GRM5: variants seen among roughly 807,000 people sequenced by gnomAD.
GRM5 encodes glutamate metabotropic receptor 5, also known as metabotropic glutamate receptor 5.
Under a neutral mutation model 83.1 loss-of-function variants are expected in GRM5, and 19 were observed. That is an observed-to-expected ratio of 0.23 (90% confidence interval 0.16 to 0.34). The LOEUF (loss-of-function observed/expected upper bound fraction) is 0.34, where lower values mean the gene tolerates loss of function less well. GRM5 is among the 10% of genes least tolerant of loss of function. The pLI is 1.00. For synonymous variants in GRM5, 675 were observed against 633.6 expected, an observed-to-expected ratio of 1.07 and a Z score of -0.98; for missense variants, 1,160 against 1,588.3, an observed-to-expected ratio of 0.73 and a Z score of 4.58.
intron 3 of GRM5, among the ~76,000 whole-genome samples, chr11:88,660,918 G>A (rs985076032): frequency 6.6e-6 from 1 of 152,148 alleles, no homozygotes; most frequent in African/African-American, 2.4e-5. Flanking sequence ...TTATCAAAAA[G>A]CTCCTCTGGG....
At chr11:88,681,991 A>G (rs1437899280) in intron 3 of GRM5, among the ~76,000 whole-genome samples, 1 of 152,152 alleles carries the variant, frequency 6.6e-6, no homozygotes, top group Non-Finnish European at 1.5e-5. Flanking sequence ...ATACTACCAC[A>G]CATTTAGCTA....
At chr11:89,008,088 G>GT (rs1172864899) in intron 2 of GRM5, among the ~76,000 whole-genome samples, 6 of 151,934 alleles carry the variant, frequency 3.9e-5, no homozygotes, top group African/African-American at 4.8e-5. Context: ...ACAATTATAT[G>GT]TTTTTTTTCT....
At chr11:88,993,299 T>G (rs1940056331) in intron 2 of GRM5, among the ~76,000 whole-genome samples, 1 of 150,476 alleles carries the variant, frequency 6.6e-6, no homozygotes. Flanking sequence ...GTGTCCAGTT[T>G]CATTCTTTTA....
At chr11:88,870,368 A>AT (rs1388723806) in intron 2 of GRM5, among the ~76,000 whole-genome samples, 2 of 151,556 alleles carry the variant, frequency 1.3e-5, no homozygotes, top group East Asian at 3.9e-4. Context: ...GCAAAGGTTC[A>AT]TAAGGGTGAC....
chr11:88,884,666 G>A (rs1320419945), intron 2 of GRM5, among the ~76,000 whole-genome samples: 1 of 152,178 alleles, frequency 6.6e-6, no homozygotes, highest in Admixed American at 6.5e-5. Flanking sequence ...TGTGTCATGA[G>A]AGGGACCCAG....
intron 2 of GRM5, among the ~76,000 whole-genome samples, chr11:89,037,298 C>A (rs1941413525): frequency 6.6e-6 from 1 of 151,868 alleles, no homozygotes; most frequent in South Asian, 2.1e-4. Flanking sequence ...ATGCTCCCAG[C>A]CTGTCTTTAT....
intron 4 of GRM5, among the ~76,000 whole-genome samples, chr11:88,627,296 A>G (rs985613041): frequency 2.0e-5 from 3 of 152,146 alleles, no homozygotes; most frequent in Non-Finnish European, 4.4e-5. Context: ...TAAACCCACC[A>G]CTCACAAATC....
At chr11:88,591,142 A>G (rs1937632355) in intron 6 of GRM5, among the ~76,000 whole-genome samples, 1 of 152,192 alleles carries the variant, frequency 6.6e-6, no homozygotes, top group African/African-American at 2.4e-5. Flanking sequence ...CATTAGTTGA[A>G]TAATTGTGAG....
chr11:88,861,121 C>T (rs1178332500), intron 2 of GRM5, among the ~76,000 whole-genome samples: 5 of 152,070 alleles, frequency 3.3e-5, no homozygotes, highest in Admixed American at 6.6e-5. Flanking sequence ...GCTAGCATTA[C>T]ATTTCTATTA....
chr11:88,692,002 C>T (rs1200732421), intron 3 of GRM5, among the ~76,000 whole-genome samples: 1 of 152,192 alleles, frequency 6.6e-6, no homozygotes, highest in East Asian at 1.9e-4. Context: ...CTCAGTTCTC[C>T]TAATCTGCTA....
At chr11:88,547,873 C>T (rs1386122698) in intron 8 of GRM5, among the ~76,000 whole-genome samples, 2 of 152,116 alleles carry the variant, frequency 1.3e-5, no homozygotes, top group Non-Finnish European at 2.9e-5. Context: ...TATGAAATAG[C>T]ACACAGTACT....
chr11:88,738,601 T>C (rs1941966358), intron 3 of GRM5, among the ~76,000 whole-genome samples: 1 of 152,106 alleles, frequency 6.6e-6, no homozygotes, highest in Non-Finnish European at 1.5e-5. Flanking sequence ...ATACTTCTTC[T>C]CTTAATGTTG....
chr11:88,710,569 T>A (rs1167623094), intron 3 of GRM5, among the ~76,000 whole-genome samples: 1 of 152,132 alleles, frequency 6.6e-6, no homozygotes. Flanking sequence ...AATATGCTAC[T>A]ATAAACTGCT....
rs550714954 is a variant in GRM5, at chr11:88,994,597, T to C, written c.661+52615A>G. On this transcript the variant is annotated intron_variant, in intron 2 of 9. Coordinates refer to ENST00000305447, the MANE Select transcript of GRM5 (RefSeq NM_001143831.3). ...TGGTCATTCTTTGAAAGCCACTGAA[T>C]TAAAGCATTACAGAAAAAAAAAAAA... Among the ~76,000 whole-genome samples the C allele has an allele frequency of 6.9e-4, 97 of 140,420 alleles. 2 individuals are homozygous for C. The highest frequency in any genetic ancestry group is 1.5e-4 in the Non-Finnish European group (10 of 66,418). The allele number at this position is 140,420 out of a possible 152,430, so 92.1% of individuals were successfully genotyped here.
intron 3 of GRM5, among the ~76,000 whole-genome samples, chr11:88,793,834 T>A (rs1943224428): frequency 6.6e-6 from 1 of 152,102 alleles, no homozygotes; most frequent in Non-Finnish European, 1.5e-5. Context: ...GTTCGTTTGT[T>A]TGTTTTTGTA....
At chr11:88,594,532 T>C (rs1052618093) in intron 6 of GRM5, among the ~76,000 whole-genome samples, 1 of 152,246 alleles carries the variant, frequency 6.6e-6, no homozygotes, top group Admixed American at 6.5e-5. Flanking sequence ...AGGTCAGATT[T>C]AGTCTGTGGG....
At chr11:88,707,189 A>C (rs905533821) in intron 3 of GRM5, among the ~76,000 whole-genome samples, 1 of 152,068 alleles carries the variant, frequency 6.6e-6, no homozygotes, top group Non-Finnish European at 1.5e-5. Flanking sequence ...TGGATGGATT[A>C]CTTAACTGTG....
At chr11:88,536,741 A>G (rs1293877369) in intron 8 of GRM5, among the ~76,000 whole-genome samples, 1 of 152,176 alleles carries the variant, frequency 6.6e-6, no homozygotes, top group African/African-American at 2.4e-5. Flanking sequence ...CATCTTAGGG[A>G]AAATATATGA....
At chr11:88,604,992 T>C in intron 4 of GRM5, 28 bp from the exon 5 acceptor site, 1 of 1,596,416 alleles carries the variant, frequency 6.3e-7, no homozygotes, top group South Asian at 1.1e-5. Context: ...AAGCATAGCT[T>C]TGAGGTACAA....
Sources: allele counts gnomAD v4.1 joint callset (sites outside exome capture counted in the v4.1 genomes callset), GRCh38; gene constraint gnomAD v4.1.1; transcripts MANE v1.5; gene names NCBI Gene and HGNC (gene_info 2026-07-23, HGNC 2026-07-21).